EEFSEC: variants seen among roughly 807,000 people sequenced by gnomAD.
The protein encoded by EEFSEC is eukaryotic elongation factor, selenocysteine-tRNA specific.
EEFSEC carries 43 observed loss-of-function variants against 42.1 expected under a neutral mutation model. The observed-to-expected ratio is 1.02, with a 90% CI of 0.80 to 1.32. The LOEUF (loss-of-function observed/expected upper bound fraction) is 1.32, where lower values mean the gene tolerates loss of function less well. EEFSEC is among the 40% of genes most tolerant of loss of function. EEFSEC has a pLI of 0.00. For synonymous variants in EEFSEC, 354 were observed against 339.1 expected, an observed-to-expected ratio of 1.04 and a Z score of -0.48; for missense variants, 745 against 803.6, an observed-to-expected ratio of 0.93 and a Z score of 0.88.
intron 6 of EEFSEC, among the ~76,000 whole-genome samples, chr3:128,369,900 GAGGAACA>G (rs1218649891): frequency 2.0e-5 from 3 of 152,132 alleles, no homozygotes; most frequent in African/African-American, 7.2e-5. Flanking sequence ...ACATGTCCCC[GAGGAACA>G]AGGACATTCT....
At chr3:128,362,390 C>T in intron 6 of EEFSEC, 1 of 417,166 alleles carries the variant, frequency 2.4e-6, no homozygotes, top group South Asian at 1.8e-5. Flanking sequence ...TGGGCATTTA[C>T]TCTAGGACAG....
intron 6 of EEFSEC, among the ~76,000 whole-genome samples, chr3:128,365,324 A>G (rs1220233585): frequency 6.6e-6 from 1 of 152,152 alleles, no homozygotes; most frequent in Non-Finnish European, 1.5e-5. Flanking sequence ...GGGTCAGACG[A>G]GGCCAAGGTT....
intron 4 of EEFSEC, among the ~76,000 whole-genome samples, chr3:128,338,363 C>T (rs1281207072): frequency 6.6e-6 from 1 of 152,114 alleles, no homozygotes; most frequent in Non-Finnish European, 1.5e-5. Context: ...TAATGTAGTT[C>T]AGGGGCGGAA....
chr3:128,185,539 G>A (rs972268966), intron 1 of EEFSEC, among the ~76,000 whole-genome samples: 5 of 151,526 alleles, frequency 3.3e-5, no homozygotes, highest in Admixed American at 1.3e-4. Context: ...ATGACCTTTC[G>A]TGTCTGGCTT....
chr3:128,383,711 C>T (rs891222271), intron 6 of EEFSEC, among the ~76,000 whole-genome samples: 1 of 152,240 alleles, frequency 6.6e-6, no homozygotes, highest in East Asian at 1.9e-4. Flanking sequence ...TCGTGCCAGG[C>T]CCTGAGTCAG....
At chr3:128,387,407 G>A (rs58643420) in intron 6 of EEFSEC, among the ~76,000 whole-genome samples, 11,085 of 152,232 alleles carry the variant, frequency 0.073, 844 homozygotes, top group African/African-American at 0.2. Context: ...GTGCTGTGTG[G>A]CAAGACACAA....
At chr3:128,161,283 G>A (rs147262334) in intron 1 of EEFSEC, among the ~76,000 whole-genome samples, 2 of 152,322 alleles carry the variant, frequency 1.3e-5, no homozygotes, top group African/African-American at 4.8e-5. Context: ...TTGGGTGGGT[G>A]TGAGGGACTT....
chr3:128,301,428 G>A (rs1458589934), intron 4 of EEFSEC, among the ~76,000 whole-genome samples: 1 of 152,172 alleles, frequency 6.6e-6, no homozygotes, highest in East Asian at 1.9e-4. Context: ...GCACATGGGC[G>A]GGACACAGGG....
chr3:128,277,643 T>A (rs540840776), intron 4 of EEFSEC, among the ~76,000 whole-genome samples: 3 of 152,368 alleles, frequency 2.0e-5, no homozygotes, highest in African/African-American at 7.2e-5. Context: ...TTTGTGAAGC[T>A]ATCCATTGTG....
At position 128,341,234 on chromosome 3, in the gene EEFSEC, TG is replaced by T; in HGVS notation, c.790del (p.Val264Ter). The T allele has an allele frequency of 6.2e-7, 1 of 1,601,394 alleles. No homozygotes were observed. Among genetic ancestry groups the T allele is most frequent in the Non-Finnish European group, 8.5e-7 (1 of 1,173,400 alleles). ...GDSVEIPALK[V>X]VKKVKSMQMF... ...GCTCTCTTGCTTACTCCCCATCAGG[TG>T]GTGAAGAAGGTGAAGTCCATGCAGA... On this transcript the variant is annotated frameshift_variant and splice_region_variant, in exon 5 of 7. Coordinates refer to ENST00000254730, the MANE Select transcript of EEFSEC (RefSeq NM_021937.5). LOFTEE classifies it high-confidence loss of function.
the EEFSEC span, among the ~76,000 whole-genome samples, chr3:128,423,579 G>A: frequency 1.1e-4 from 16 of 152,218 alleles, no homozygotes; most frequent in Admixed American, 2.6e-4. Context: ...GAAACCAATC[G>A]TGAAAGGCCA....
intron 1 of EEFSEC, among the ~76,000 whole-genome samples, chr3:128,234,050 T>C (rs1218357647): frequency 4.0e-5 from 6 of 151,420 alleles, no homozygotes; most frequent in African/African-American, 1.5e-4. Flanking sequence ...TATTTATTTA[T>C]TTATTTAATT....
rs1477876858 is a variant in EEFSEC, at chr3:128,333,675, G to C, written c.787-7558G>C. Among the ~76,000 whole-genome samples the C allele has an allele frequency of 1.3e-5, 2 of 152,132 alleles. 1 individual carries two copies. Among genetic ancestry groups the C allele is most frequent in the Non-Finnish European group, 2.9e-5 (2 of 68,032 alleles). On this transcript the variant is annotated intron_variant, in intron 4 of 6. Coordinates refer to ENST00000254730, the MANE Select transcript of EEFSEC (RefSeq NM_021937.5). ...GCCCTGTGGTAACATAATGCAGCTCGTGTGCACTTCAGTTGAGTGCCTACT... is the reference window on the plus strand; with the variant it reads ...GCCCTGTGGTAACATAATGCAGCTCCTGTGCACTTCAGTTGAGTGCCTACT...
At chr3:128,160,958 T>C (rs957604558) in intron 1 of EEFSEC, among the ~76,000 whole-genome samples, 4 of 152,236 alleles carry the variant, frequency 2.6e-5, no homozygotes, top group African/African-American at 9.6e-5. Context: ...GTCTGTATGC[T>C]GTTTTTTTGA....
intron 5 of EEFSEC, 71 bp from the exon 6 acceptor site, chr3:128,358,146 G>C: frequency 6.4e-7 from 1 of 1,564,584 alleles, no homozygotes. Flanking sequence ...GCTGGGGCTA[G>C]GCACACAGTC....
intron 1 of EEFSEC, among the ~76,000 whole-genome samples, chr3:128,210,187 G>A (rs901635035): frequency 1.3e-5 from 2 of 152,224 alleles, no homozygotes; most frequent in East Asian, 3.8e-4. Context: ...TCGTTATTTA[G>A]TAGAGAGAAT....
chr3:128,419,461 T>C, the EEFSEC span, among the ~76,000 whole-genome samples: 1 of 152,218 alleles, frequency 6.6e-6, no homozygotes, highest in Non-Finnish European at 1.5e-5. Flanking sequence ...AAAGTGATAC[T>C]GTGTGTTCTG....
At chr3:128,245,620 C>T (rs796799856) in intron 1 of EEFSEC, among the ~76,000 whole-genome samples, 46 of 152,242 alleles carry the variant, frequency 3.0e-4, no homozygotes, top group African/African-American at 1.1e-3. Context: ...ACAGGGGTGA[C>T]CAAGAGGCCT....
intron 6 of EEFSEC, among the ~76,000 whole-genome samples, chr3:128,384,228 G>A (rs1376660894): frequency 2.0e-5 from 3 of 152,240 alleles, no homozygotes; most frequent in African/African-American, 7.2e-5. Flanking sequence ...CTGCCCAGGA[G>A]AGAAGGTACC....
Sources: allele counts gnomAD v4.1 joint callset (sites outside exome capture counted in the v4.1 genomes callset), GRCh38; gene constraint gnomAD v4.1.1; transcripts MANE v1.5; gene names NCBI Gene and HGNC (gene_info 2026-07-23, HGNC 2026-07-21).